NLRP2: variants seen among roughly 807,000 people sequenced by gnomAD.
NLRP2 encodes NACHT, LRR and PYD domains-containing protein 2.
NLRP2 carries 107 observed loss-of-function variants against 97.2 expected under a neutral mutation model. That is an observed-to-expected ratio of 1.10 (90% CI 0.94 to 1.29). The LOEUF (loss-of-function observed/expected upper bound fraction) is 1.29. NLRP2 is among the 50% of genes most tolerant of loss of function. The pLI is 0.00. For missense variants in NLRP2, 1,495 were observed against 1,330.3 expected (o/e 1.12, Z -1.93); for synonymous variants, 663 against 551.5 (o/e 1.20, Z -2.83).
In NLRP2 at chr19:55,000,979, G is replaced by C. The variant is rs1043680; in HGVS notation, c.*81G>C. On this transcript the variant is annotated 3_prime_UTR_variant, in exon 13 of 13. Coordinates refer to ENST00000448584, the MANE Select transcript of NLRP2 (RefSeq NM_017852.5). ...ACTGCCTGTGACTCCTCTCCTCCCC[G>C]GCCCCTACCCCTCAGGGATAATGAG... 0.38 allele frequency: 493,439 copies of C among 1,293,492 alleles called. 94,869 individuals carry two copies. The highest frequency in any genetic ancestry group is 0.43 in the Middle Eastern group (2,303 of 5,310). The allele number at this position is 1,293,492 out of a possible 1,614,324, so 80.1% of individuals were successfully genotyped here.
intron 12 of NLRP2, among the ~76,000 whole-genome samples, chr19:54,998,630 CCT>C (rs1568547210): frequency 6.5e-4 from 21 of 32,286 alleles, no homozygotes; most frequent in Non-Finnish European, 8.0e-4. Flanking sequence ...TTTTTTTTTT[CCT>C]TTTTTTTTTT....
At chr19:54,979,100 A>C (rs936067005) in intron 4 of NLRP2, among the ~76,000 whole-genome samples, 8 of 151,514 alleles carry the variant, frequency 5.3e-5, no homozygotes, top group African/African-American at 1.9e-4. Context: ...TCTTCCTGCC[A>C]CAGCCTCCCC....
chr19:54,987,696 C>G (rs1213909956), intron 8 of NLRP2, among the ~76,000 whole-genome samples: 11 of 150,042 alleles, frequency 7.3e-5, no homozygotes, highest in Admixed American at 4.0e-4. Context: ...GAGCTGAGAT[C>G]ACACCACCGC....
chr19:54,996,844 G>A (rs1466509477), intron 11 of NLRP2, among the ~76,000 whole-genome samples: 1 of 151,710 alleles, frequency 6.6e-6, no homozygotes, highest in African/African-American at 2.4e-5. Context: ...TGTACCCCTT[G>A]CCCTTCAGAA....
intron 6 of NLRP2, among the ~76,000 whole-genome samples, chr19:54,984,329 G>GTGTTTTTTTTTTTTTTT: frequency 1.9e-4 from 15 of 79,670 alleles, no homozygotes; most frequent in African/African-American, 5.1e-4. Flanking sequence ...TTTTTTTTGT[G>GTGTTTTTTTTTTTTTTT]TTTTTTTTTT....
At chr19:54,990,762 A>G in intron 10 of NLRP2, 90 bp downstream of exon 10, 1 of 1,323,994 alleles carries the variant, frequency 7.6e-7, no homozygotes. Context: ...GAGAACACTT[A>G]ATTCCTCTAA....
Position 54,990,617 on chromosome 19 carries a change from G to A in NLRP2, c.2653G>A (p.Val885Met). The change falls in exon 10 of 13, where the codon GTG becomes ATG. Residue 885 changes from valine to methionine, a missense_variant. Val to Met is a conservative substitution (Grantham distance 21, BLOSUM62 1). Coordinates refer to ENST00000448584, the MANE Select transcript of NLRP2 (RefSeq NM_017852.5). ...CAAGAACCCCATTGGGAATACAGGGGTGAAGTTTCTGTGTGAGGGCTTGAG... is the reference window on the plus strand; with the variant it reads ...CAAGAACCCCATTGGGAATACAGGGATGAAGTTTCTGTGTGAGGGCTTGAG... ...LAKNPIGNTG[V>M]KFLCEGLRYP... 1.2e-6 allele frequency: 2 copies of A among 1,614,198 alleles called. No individual in the cohort carries two copies. The highest frequency in any genetic ancestry group is 1.3e-5 in the African/African-American group (1 of 75,054).
In NLRP2 at chr19:54,990,681, G is replaced by T; in HGVS notation, c.2708+9G>T. 2.5e-6 allele frequency: 4 copies of T among 1,614,084 alleles called. No homozygotes were observed. The East Asian group carries it at 6.7e-5, about 27-fold the overall frequency. On this transcript the variant is annotated intron_variant, in intron 10 of 12. Coordinates refer to ENST00000448584, the MANE Select transcript of NLRP2 (RefSeq NM_017852.5). ...AAACTGCAGACCTTGGTGTAAGTCC[G>T]TGCTGGCTGCCTGTGTGCGTGGGTG...
At chr19:54,977,863 A>AGCC in intron 4 of NLRP2, 40 bp downstream of exon 4, 2 of 1,579,504 alleles carry the variant, frequency 1.3e-6, no homozygotes, top group South Asian at 2.2e-5. Context: ...CAGCTGAGGA[A>AGCC]GCCCCCCGTT....
rs73605997 is a variant in NLRP2, at chr19:54,976,733, G to T, written c.326-1019G>T. ...CAGTTCCCTCCCCAGCATCTTTTCA[G>T]GAGTTCCATGGACTCACCTCTTCAT... On this transcript the variant is annotated intron_variant, in intron 3 of 12. Coordinates refer to ENST00000448584, the MANE Select transcript of NLRP2 (RefSeq NM_017852.5). 935 of 415,374 alleles carry T rather than the reference G, an allele frequency of 2.3e-3. 8 individuals carry two copies. Among genetic ancestry groups the T allele is most frequent in the African/African-American group, 0.019 (881 of 46,688 alleles). 25.7% of individuals were successfully genotyped at this position (415,374 alleles called of 1,614,324 possible). A position where few individuals can be genotyped will look rare whatever the true frequency, so the allele number is the denominator to read the frequency against.
intron 10 of NLRP2, chr19:54,991,611 A>G (rs2072481414): frequency 6.6e-6 from 1 of 152,110 alleles, no homozygotes; most frequent in African/African-American, 2.4e-5. Flanking sequence ...ATGGTGGCTC[A>G]TGCCTGTAAT....
chr19:54,972,962 G>A (rs575217351), intron 2 of NLRP2, among the ~76,000 whole-genome samples: 1 of 152,194 alleles, frequency 6.6e-6, no homozygotes, highest in South Asian at 2.1e-4. Flanking sequence ...GCCAAGGCGG[G>A]TGGATCACTT....
intron 3 of NLRP2, among the ~76,000 whole-genome samples, chr19:54,975,640 G>T (rs1439006379): frequency 1.3e-5 from 2 of 151,450 alleles, no homozygotes; most frequent in Non-Finnish European, 2.9e-5. Context: ...TTTTAGTAGA[G>T]ACGGGGTTTC....
intron 12 of NLRP2, among the ~76,000 whole-genome samples, chr19:54,998,342 AT>A (rs2072956849): frequency 6.6e-6 from 1 of 152,008 alleles, no homozygotes; most frequent in Admixed American, 6.6e-5. Context: ...ATACCATGGC[AT>A]CAAAGAACCA....
intron 8 of NLRP2, among the ~76,000 whole-genome samples, chr19:54,987,493 C>T (rs180705395): frequency 5.3e-5 from 8 of 152,212 alleles, no homozygotes; most frequent in South Asian, 4.2e-4. Context: ...CGCAGTGGCT[C>T]ACGCCTGGGA....
chr19:54,998,041 T>C (rs1402931703), intron 12 of NLRP2, among the ~76,000 whole-genome samples: 3 of 150,400 alleles, frequency 2.0e-5, no homozygotes, highest in South Asian at 2.1e-4. Context: ...TTTTTTTTTT[T>C]TCTGAGATGG....
chr19:54,975,425 C>A (rs2071160436), intron 3 of NLRP2, among the ~76,000 whole-genome samples: 1 of 142,510 alleles, frequency 7.0e-6, no homozygotes, highest in African/African-American at 2.7e-5. Flanking sequence ...CTGGCCCTTA[C>A]CAGCTACTTA....
intron 4 of NLRP2, among the ~76,000 whole-genome samples, chr19:54,980,760 CTG>C (rs1186832986): frequency 3.3e-5 from 5 of 152,146 alleles, no homozygotes; most frequent in African/African-American, 7.2e-5. Flanking sequence ...TTTGTGAGCT[CTG>C]TGTGTGATCT....
At chr19:54,979,627 A>C (rs563144651) in intron 4 of NLRP2, among the ~76,000 whole-genome samples, 152 of 152,278 alleles carry the variant, frequency 1.0e-3, no homozygotes, top group African/African-American at 3.5e-3. Flanking sequence ...CTGGGATTAC[A>C]GGCATGAGCC....
Sources: allele counts gnomAD v4.1 joint callset (sites outside exome capture counted in the v4.1 genomes callset), GRCh38; gene constraint gnomAD v4.1.1; transcripts MANE v1.5; gene names NCBI Gene and HGNC (gene_info 2026-07-23, HGNC 2026-07-21).